CCDC91: variants seen among roughly 807,000 people sequenced by gnomAD.
CCDC91 encodes the protein coiled-coil domain containing 91.
Under a neutral mutation model 63.2 loss-of-function variants are expected in CCDC91, and 48 were observed. The observed-to-expected ratio is 0.76, with a 90% confidence interval of 0.60 to 0.97. CCDC91 has a LOEUF of 0.97. Ranked by LOEUF, CCDC91 falls within the 50% of genes least tolerant of loss-of-function variation. The pLI is 0.00. For missense variants in CCDC91, 500 were observed against 494.6 expected (o/e 1.01, Z -0.10); for synonymous variants, 167 against 165.8 (o/e 1.01, Z -0.06).
chr12:28,347,066 GT>G (rs1262043493), intron 6 of CCDC91, among the ~76,000 whole-genome samples: 2 of 152,150 alleles, frequency 1.3e-5, no homozygotes, highest in African/African-American at 4.8e-5. Flanking sequence ...CCATCCTCTG[GT>G]TTTTGACCAT....
At chr12:28,379,953 A>G (rs1302196766) in intron 7 of CCDC91, among the ~76,000 whole-genome samples, 2 of 152,216 alleles carry the variant, frequency 1.3e-5, no homozygotes, top group African/African-American at 4.8e-5. Flanking sequence ...AGACTGGATT[A>G]AGAAAATGTG....
chr12:28,271,906 T>C (rs1031021505), intron 3 of CCDC91, among the ~76,000 whole-genome samples: 1 of 148,928 alleles, frequency 6.7e-6, no homozygotes. Flanking sequence ...CTATATATTA[T>C]ATATAAATAT....
intron 1 of CCDC91, among the ~76,000 whole-genome samples, chr12:28,254,157 A>T (rs11049487): frequency 0.25 from 37,954 of 152,152 alleles, 5,271 homozygotes; most frequent in East Asian, 0.57. Context: ...GAATTAATAC[A>T]ATAAGGCAAA....
chr12:28,422,520 A>G (rs1474062893), intron 8 of CCDC91, among the ~76,000 whole-genome samples: 1 of 152,126 alleles, frequency 6.6e-6, no homozygotes, highest in Non-Finnish European at 1.5e-5. Context: ...AAATAAGCCG[A>G]AAAAGTGTGC....
rs537307962 is a variant in CCDC91 at position 28,523,151 on chromosome 12, T to C, written c.1216-25912T>C. Among the ~76,000 whole-genome samples, 273 of 152,334 alleles carry C rather than the reference T, an allele frequency of 1.8e-3. 3 individuals are homozygous for C. The highest frequency in any genetic ancestry group is 6.3e-3 in the African/African-American group (261 of 41,576). On this transcript the variant is annotated intron_variant, in intron 12 of 12. Coordinates refer to ENST00000536442, the MANE Select transcript of CCDC91 (RefSeq NM_018318.5). ...CCTTGTTAACTTTCTATCTCCTTGA[T>C]CTGTCTAATGTTGACAGTGGGATGT...
chr12:28,283,427 T>C (rs1452041378), intron 3 of CCDC91, among the ~76,000 whole-genome samples: 1 of 151,750 alleles, frequency 6.6e-6, no homozygotes, highest in Non-Finnish European at 1.5e-5. Context: ...TTTCATTTCC[T>C]TGGTTAAGTA....
chr12:28,374,023 T>C (rs1944790432), intron 7 of CCDC91, among the ~76,000 whole-genome samples: 1 of 152,178 alleles, frequency 6.6e-6, no homozygotes, highest in Non-Finnish European at 1.5e-5. Context: ...ACCTCTTTTC[T>C]TGATAAATTA....
Position 28,519,860 on chromosome 12 carries a change from G to A in CCDC91, c.1216-29203G>A, listed in dbSNP as rs530406088. Reference sequence around the variant, plus strand: ...TTGCGATAGTTTGCTGAGAATGATGGATACCAGCTTCATCCATGTCCCAAC... The same window carrying A: ...TTGCGATAGTTTGCTGAGAATGATGAATACCAGCTTCATCCATGTCCCAAC... On this transcript the variant is annotated intron_variant, in intron 12 of 12. Coordinates refer to ENST00000536442, the MANE Select transcript of CCDC91 (RefSeq NM_018318.5). Among the ~76,000 whole-genome samples the A allele has an allele frequency of 2.6e-3, 397 of 151,802 alleles. 1 individual carries two copies. The highest frequency in any genetic ancestry group is 4.4e-3 in the South Asian group (21 of 4,790).
At chr12:28,191,776 A>G (rs1400811436) in intron 1 of CCDC91, among the ~76,000 whole-genome samples, 1 of 152,140 alleles carries the variant, frequency 6.6e-6, no homozygotes, top group South Asian at 2.1e-4. Flanking sequence ...GGGATTGGTT[A>G]TACTGTCTGT....
chr12:28,449,663 C>T (rs1949703431), intron 8 of CCDC91, among the ~76,000 whole-genome samples: 1 of 151,870 alleles, frequency 6.6e-6, no homozygotes, highest in South Asian at 2.1e-4. Flanking sequence ...GTTTTTGAAT[C>T]TGTGGTAAAA....
intron 6 of CCDC91, among the ~76,000 whole-genome samples, chr12:28,336,637 G>A (rs1942001947): frequency 6.6e-6 from 1 of 151,994 alleles, no homozygotes; most frequent in Non-Finnish European, 1.5e-5. Flanking sequence ...AGTATGCATG[G>A]CATTTTTCAT....
At chr12:28,548,363 G>A (rs532868323) in intron 12 of CCDC91, among the ~76,000 whole-genome samples, 16 of 152,132 alleles carry the variant, frequency 1.1e-4, no homozygotes, top group African/African-American at 3.6e-4. Flanking sequence ...TCTGTCTCCT[G>A]GGTTCAATAA....
chr12:28,308,100 A>G (rs1565773762), intron 6 of CCDC91, among the ~76,000 whole-genome samples: 1 of 151,988 alleles, frequency 6.6e-6, no homozygotes, highest in Non-Finnish European at 1.5e-5. Flanking sequence ...AACTTTTTTA[A>G]ATAAATTGTC....
intron 11 of CCDC91, among the ~76,000 whole-genome samples, chr12:28,471,057 A>G (rs551972883): frequency 2.0e-5 from 3 of 152,322 alleles, no homozygotes; most frequent in African/African-American, 7.2e-5. Flanking sequence ...AGGAAATCCT[A>G]ATACTATGTT....
At position 28,370,360 on chromosome 12, in the gene CCDC91, T is replaced by C. The variant is rs75871168; in HGVS notation, c.654+7845T>C. 9.2e-3 allele frequency among the ~76,000 whole-genome samples: 1,401 copies of C among 152,314 alleles called. 26 individuals are homozygous for C. The highest frequency in any genetic ancestry group is 0.032 in the African/African-American group (1,332 of 41,564). ...ATTCTCTAGGGCAGGGGCAAAATGC[T>C]GTTGAGTCTCTTTGTTAAAGGATAG... On this transcript the variant is annotated intron_variant, in intron 7 of 12. Transcript: ENST00000536442.
chr12:28,329,352 C>T (rs1941295938), intron 6 of CCDC91, among the ~76,000 whole-genome samples: 1 of 152,098 alleles, frequency 6.6e-6, no homozygotes, highest in Non-Finnish European at 1.5e-5. Context: ...CAAATTCTTC[C>T]TTTTGCATCC....
At chr12:28,382,075 T>TA (rs1256324743) in intron 7 of CCDC91, among the ~76,000 whole-genome samples, 5 of 152,122 alleles carry the variant, frequency 3.3e-5, no homozygotes, top group African/African-American at 1.2e-4. Context: ...TTATACTTGT[T>TA]ATCTAAGTTC....
At chr12:28,402,675 T>C (rs1364292018) in intron 8 of CCDC91, among the ~76,000 whole-genome samples, 1 of 152,094 alleles carries the variant, frequency 6.6e-6, no homozygotes, top group Non-Finnish European at 1.5e-5. Flanking sequence ...AGGATTTCAG[T>C]GCAATGTTGA....
At chr12:28,535,131 A>G (rs900305498) in intron 12 of CCDC91, among the ~76,000 whole-genome samples, 4 of 152,224 alleles carry the variant, frequency 2.6e-5, no homozygotes, top group African/African-American at 9.6e-5. Flanking sequence ...GCATGCATAC[A>G]TTTAACAGAT....
Sources: allele counts gnomAD v4.1 joint callset (sites outside exome capture counted in the v4.1 genomes callset), GRCh38; gene constraint gnomAD v4.1.1; transcripts MANE v1.5; gene names NCBI Gene and HGNC (gene_info 2026-07-23, HGNC 2026-07-21).